RTN1: variants seen among roughly 807,000 people sequenced by gnomAD.
RTN1 encodes reticulon-1.
In RTN1, 25 loss-of-function variants were observed where a neutral mutation model predicts 65.5. The ratio of observed to expected loss-of-function variants is 0.38; its 90% CI spans 0.28 to 0.53. RTN1 has a LOEUF of 0.53. Ranked by LOEUF, RTN1 falls within the 20% of genes least tolerant of loss-of-function variation. The probability of loss-of-function intolerance (pLI) is 0.79; values close to 1 mark genes in which losing one functional copy is unlikely to be tolerated. For missense variants in RTN1, 983 were observed against 1,025.4 expected, an observed-to-expected ratio of 0.96 and a Z score of 0.57; for synonymous variants, 471 against 447.6, an observed-to-expected ratio of 1.05 and a Z score of -0.66.
intron 3 of RTN1, among the ~76,000 whole-genome samples, chr14:59,629,554 C>A (rs1882488008): frequency 1.3e-5 from 2 of 152,150 alleles, no homozygotes; most frequent in African/African-American, 4.8e-5. Flanking sequence ...ACACTACCTC[C>A]GACAAACACC....
At chr14:59,689,355 A>G (rs981429738) in intron 3 of RTN1, among the ~76,000 whole-genome samples, 1 of 152,228 alleles carries the variant, frequency 6.6e-6, no homozygotes, top group Non-Finnish European at 1.5e-5. Flanking sequence ...TTCTGCAGAG[A>G]CGGAAAGTCA....
At chr14:59,797,880 A>G (rs1886467981) in intron 1 of RTN1, among the ~76,000 whole-genome samples, 1 of 152,208 alleles carries the variant, frequency 6.6e-6, no homozygotes, top group East Asian at 1.9e-4. Flanking sequence ...ATGTTGACCC[A>G]GTGATGCCAA....
At chr14:59,782,043 C>G (rs1223374580) in intron 1 of RTN1, among the ~76,000 whole-genome samples, 1 of 152,028 alleles carries the variant, frequency 6.6e-6, no homozygotes, top group Non-Finnish European at 1.5e-5. Context: ...GATTAGTGCC[C>G]TTTTAAAGAG....
At chr14:59,608,414 G>A (rs899927690) in intron 3 of RTN1, among the ~76,000 whole-genome samples, 2 of 152,210 alleles carry the variant, frequency 1.3e-5, no homozygotes, top group Non-Finnish European at 2.9e-5. Flanking sequence ...AAGTGATCAG[G>A]TTGAAGAGAG....
In RTN1 at chr14:59,865,703, T is replaced by C. The variant is rs542361136; in HGVS notation, c.241+4687A>G. On this transcript the variant is annotated intron_variant, in intron 1 of 8. Transcript: ENST00000267484. ...CATGTTCTTTACAATGACTTTAGCC[T>C]AGAGCATTCCTATGTAGATACGTTT... Among the ~76,000 whole-genome samples the C allele has an allele frequency of 2.1e-3, 321 of 152,328 alleles. 1 individual carries two copies. The highest frequency in any genetic ancestry group is 3.7e-3 in the Non-Finnish European group (254 of 68,006).
chr14:59,614,756 G>A (rs1882055955), intron 3 of RTN1, among the ~76,000 whole-genome samples: 2 of 152,138 alleles, frequency 1.3e-5, no homozygotes, highest in African/African-American at 2.4e-5. Flanking sequence ...ATGCTAAAAT[G>A]AGTCAGATCT....
At chr14:59,658,115 A>C (rs991163763) in intron 3 of RTN1, among the ~76,000 whole-genome samples, 3 of 152,212 alleles carry the variant, frequency 2.0e-5, no homozygotes, top group African/African-American at 7.2e-5. Flanking sequence ...TCACAGTGTA[A>C]ACAAAGCCGA....
chr14:59,623,255 T>G (rs1882304020), intron 3 of RTN1, among the ~76,000 whole-genome samples: 1 of 152,248 alleles, frequency 6.6e-6, no homozygotes, highest in Admixed American at 6.5e-5. Context: ...GAAATGAATG[T>G]GATTCCTGTT....
At chr14:59,730,167 T>C (rs1884870067) in intron 2 of RTN1, among the ~76,000 whole-genome samples, 1 of 152,216 alleles carries the variant, frequency 6.6e-6, no homozygotes, top group South Asian at 2.1e-4. Flanking sequence ...AACTACATGG[T>C]TAGAAATTAT....
At chr14:59,747,066 A>G (rs1885243549) in intron 1 of RTN1, among the ~76,000 whole-genome samples, 1 of 152,132 alleles carries the variant, frequency 6.6e-6, no homozygotes, top group South Asian at 2.1e-4. Context: ...CCTCATTCCA[A>G]TGTCATATCA....
At chr14:59,757,105 C>T (rs997994423) in intron 1 of RTN1, among the ~76,000 whole-genome samples, 4 of 152,204 alleles carry the variant, frequency 2.6e-5, no homozygotes, top group Non-Finnish European at 4.4e-5. Flanking sequence ...ACACATGCTG[C>T]TGTGGTCTGA....
At chr14:59,628,868 T>A (rs1392486806) in intron 3 of RTN1, among the ~76,000 whole-genome samples, 1 of 152,170 alleles carries the variant, frequency 6.6e-6, no homozygotes, top group South Asian at 2.1e-4. Flanking sequence ...CTTATACAAA[T>A]AGAAAAGAAA....
intron 1 of RTN1, among the ~76,000 whole-genome samples, chr14:59,852,452 AC>A (rs1208044953): frequency 6.6e-6 from 1 of 152,170 alleles, no homozygotes; most frequent in Non-Finnish European, 1.5e-5. Context: ...TCCTAGTCCC[AC>A]CCCCAAGCAT....
At chr14:59,632,949 A>T (rs980702528) in intron 3 of RTN1, among the ~76,000 whole-genome samples, 3 of 151,918 alleles carry the variant, frequency 2.0e-5, no homozygotes, top group African/African-American at 4.8e-5. Context: ...ACAAAAAAAA[A>T]ATTTTTTCCG....
Position 59,727,597 on chromosome 14 carries a change from C to T in RTN1, c.1087G>A (p.Ala363Thr), listed in dbSNP as rs777043344. ...GCGGTTTCATACGATAATCCCTTTG[C>T]TTCTTTGATGGCGGTGATCAGCTCA... ...EDELITAIKE[A>T]KGLSYETAEN... Residue 363 changes from alanine to threonine, a missense_variant, in exon 3 of 9, where the codon GCA (alanine) becomes ACA (threonine). Ala to Thr is a moderately conservative substitution (Grantham distance 58). Around this residue, in one of 2 missense-constraint regions of RTN1, gnomAD observed 818 missense variants for 801.8 expected, o/e 1.02. Coordinates refer to ENST00000267484, the MANE Select transcript of RTN1 (RefSeq NM_021136.3). This position sits in a 1 kb window ranked among gnomAD's most constrained non-coding sequence, Gnocchi z 4.2. 4.3e-6 allele frequency: 7 copies of T among 1,612,904 alleles called. No homozygotes were observed. The highest frequency in any genetic ancestry group is 1.1e-5 in the South Asian group (1 of 90,876).
chr14:59,810,443 G>A (rs1283592359), intron 1 of RTN1, among the ~76,000 whole-genome samples: 5 of 152,144 alleles, frequency 3.3e-5, no homozygotes, highest in Non-Finnish European at 5.9e-5. Flanking sequence ...AGAGTTCTCT[G>A]TTTCTGATTC....
intron 2 of RTN1, among the ~76,000 whole-genome samples, chr14:59,745,024 A>G (rs1885187637): frequency 6.6e-6 from 1 of 152,208 alleles, no homozygotes; most frequent in Non-Finnish European, 1.5e-5. Context: ...TATCCCACTC[A>G]TGGATTAATG....
intron 2 of RTN1, 56 bp downstream of exon 2, chr14:59,745,652 G>A (rs1479441149): frequency 7.1e-7 from 1 of 1,411,490 alleles, no homozygotes; most frequent in African/African-American, 1.4e-5. Flanking sequence ...TTGTTTTAGG[G>A]ATTGAGATTT....
In RTN1 at chr14:59,803,480, C is replaced by G. The variant is rs1450312973; in HGVS notation, c.242-56999G>C. On this transcript the variant is annotated intron_variant, in intron 1 of 8. Transcript: ENST00000267484. This position sits in a 1 kb window ranked among gnomAD's most constrained non-coding sequence, Gnocchi z 5.6. ...AGATAATTCAGGCCACCCAAATCTACTCTGGCCTGAATTATTCAAGTTAAA... is the reference window on the plus strand; with the variant it reads ...AGATAATTCAGGCCACCCAAATCTAGTCTGGCCTGAATTATTCAAGTTAAA... Among the ~76,000 whole-genome samples the G allele has an allele frequency of 6.6e-6, 1 of 152,172 alleles. No homozygotes were observed. Among genetic ancestry groups the G allele is most frequent in the Non-Finnish European group, 1.5e-5 (1 of 68,030 alleles).
Sources: gnomAD v4.1 joint callset for allele counts (sites outside exome capture counted in the v4.1 genomes callset) on GRCh38, gnomAD v4.1.1 for gene constraint, gnomAD v4.1.1 regional missense constraint, Gnocchi (gnomAD v3.1) non-coding constraint, MANE v1.5 for transcripts, NCBI Gene and HGNC (gene_info 2026-07-23, HGNC 2026-07-21) for gene names.